Variants in CPHXL2 observed in about 807,000 individuals in gnomAD.
CPHXL2 encodes the protein cytoplasmic polyadenylated homeobox like 2.
At chr16:75,669,672 A>T in the CPHXL2 span, 1 of 396,032 alleles carries the variant, frequency 2.5e-6, no homozygotes, top group Non-Finnish European at 4.4e-6. Flanking sequence ...TCCAGGCGTG[A>T]CCTCATAGCT....
At chr16:75,676,748 G>T in the CPHXL2 span, among the ~76,000 whole-genome samples, 1 of 152,052 alleles carries the variant, frequency 6.6e-6, no homozygotes, top group Non-Finnish European at 1.5e-5. Flanking sequence ...AGGTATTTTT[G>T]TCTGTCTAAA....
chr16:75,662,335 CTTT>C, the CPHXL2 span, among the ~76,000 whole-genome samples: 26 of 126,738 alleles, frequency 2.1e-4, no homozygotes, highest in Non-Finnish European at 2.5e-4. Context: ...TCTTTCTTTT[CTTT>C]TTTTTTTTTT....
chr16:75,671,849 G>A, the CPHXL2 span, among the ~76,000 whole-genome samples: 1 of 152,228 alleles, frequency 6.6e-6, no homozygotes, highest in South Asian at 2.1e-4. Flanking sequence ...AGGAGGCAAG[G>A]TGAGACAGTA....
the CPHXL2 span, among the ~76,000 whole-genome samples, chr16:75,672,893 A>C: frequency 6.6e-6 from 1 of 151,916 alleles, no homozygotes; most frequent in African/African-American, 2.4e-5. Context: ...GTTTTAAAAA[A>C]CAAAAACAAA....
At chr16:75,667,053 T>G in the CPHXL2 span, among the ~76,000 whole-genome samples, 6 of 152,178 alleles carry the variant, frequency 3.9e-5, no homozygotes, top group African/African-American at 1.4e-4. Flanking sequence ...GGCTCACACC[T>G]GTAATCCCAG....
the CPHXL2 span, among the ~76,000 whole-genome samples, chr16:75,675,212 G>T: frequency 6.6e-6 from 1 of 150,722 alleles, no homozygotes; most frequent in Non-Finnish European, 1.5e-5. Flanking sequence ...AAAAGAGATG[G>T]GGTTTCACCA....
chr16:75,666,152 A>C, the CPHXL2 span, among the ~76,000 whole-genome samples: 1 of 152,134 alleles, frequency 6.6e-6, no homozygotes, highest in Non-Finnish European at 1.5e-5. Context: ...GACAACACAA[A>C]CTTTAAAGCA....
At chr16:75,671,310 A>C in the CPHXL2 span, among the ~76,000 whole-genome samples, 1 of 150,260 alleles carries the variant, frequency 6.7e-6, no homozygotes, top group Non-Finnish European at 1.5e-5. Context: ...TGCAGTGAGG[A>C]GAGATCGCTA....
At chr16:75,669,035 C>G in the CPHXL2 span, among the ~76,000 whole-genome samples, 1 of 152,148 alleles carries the variant, frequency 6.6e-6, no homozygotes, top group African/African-American at 2.4e-5. Context: ...TAGGAAATGG[C>G]TGGAGATGGT....
chr16:75,674,556 A>G, the CPHXL2 span, among the ~76,000 whole-genome samples: 1 of 152,164 alleles, frequency 6.6e-6, no homozygotes, highest in Admixed American at 6.5e-5. Context: ...ATCCCTATCA[A>G]AATCCCAGCT....
chr16:75,676,375 G>A, the CPHXL2 span, among the ~76,000 whole-genome samples: 1 of 152,176 alleles, frequency 6.6e-6, no homozygotes, highest in East Asian at 1.9e-4. Flanking sequence ...CCAGGCTGGA[G>A]TGCAGTGGCA....
chr16:75,672,126 A>G, the CPHXL2 span, among the ~76,000 whole-genome samples: 1 of 152,012 alleles, frequency 6.6e-6, no homozygotes, highest in South Asian at 2.1e-4. Flanking sequence ...AAGAAAAAAA[A>G]AAATCAGCTG....
chr16:75,669,470 C>A, the CPHXL2 span: 1 of 400,630 alleles, frequency 2.5e-6, no homozygotes, highest in Non-Finnish European at 4.4e-6. Context: ...TGCAATAATT[C>A]TTCAGAAAAT....
the CPHXL2 span, among the ~76,000 whole-genome samples, chr16:75,665,787 C>G: frequency 3.3e-5 from 5 of 152,142 alleles, no homozygotes; most frequent in African/African-American, 1.2e-4. Flanking sequence ...ATCACTGGAA[C>G]CGGGGAGGAA....
the CPHXL2 span, among the ~76,000 whole-genome samples, chr16:75,672,203 T>A: frequency 6.6e-6 from 1 of 151,066 alleles, no homozygotes; most frequent in African/African-American, 2.4e-5. Context: ...CGCTTGAAAC[T>A]GGGAGGCGGA....
At chr16:75,671,273 T>C in the CPHXL2 span, among the ~76,000 whole-genome samples, 2 of 150,482 alleles carry the variant, frequency 1.3e-5, no homozygotes, top group African/African-American at 4.9e-5. Context: ...GGTGGGAGCA[T>C]CGCTTGAGCC....
chr16:75,672,383 T>C, the CPHXL2 span, among the ~76,000 whole-genome samples: 3 of 152,116 alleles, frequency 2.0e-5, no homozygotes, highest in Non-Finnish European at 4.4e-5. Flanking sequence ...AACCAGGGCA[T>C]TCACTGTAAG....
chr16:75,665,557 T>C, the CPHXL2 span, among the ~76,000 whole-genome samples: 1 of 152,104 alleles, frequency 6.6e-6, no homozygotes, highest in Non-Finnish European at 1.5e-5. Context: ...ACAGGACCTA[T>C]ACAACAAAAA....
chr16:75,668,941 C>G, the CPHXL2 span, among the ~76,000 whole-genome samples: 156 of 152,154 alleles, frequency 1.0e-3, 1 homozygote, highest in East Asian at 0.026. Context: ...TTTGATTACT[C>G]TCTCCCATTT....
Sources: allele counts gnomAD v4.1 joint callset (sites outside exome capture counted in the v4.1 genomes callset), GRCh38; gene constraint gnomAD v4.1.1; transcripts MANE v1.5; gene names NCBI Gene and HGNC (gene_info 2026-07-23, HGNC 2026-07-21).